The following FOXN3 variants were observed in gnomAD, a reference collection of about 807,000 sequenced individuals.
The protein encoded by FOXN3 is forkhead box protein N3.
In FOXN3, 7 loss-of-function variants were observed where a neutral mutation model predicts 38.4. The ratio of observed to expected loss-of-function variants is 0.18; its 90% CI spans 0.10 to 0.34. The LOEUF (loss-of-function observed/expected upper bound fraction) is 0.34, where lower values mean the gene tolerates loss of function less well. FOXN3 is among the 10% of genes least tolerant of loss of function. The pLI is 1.00. For missense variants in FOXN3, 456 were observed against 613.4 expected (o/e 0.74, Z 2.71); for synonymous variants, 230 against 242.2 (o/e 0.95, Z 0.47).
chr14:89,221,580 A>G lies in FOXN3; in HGVS notation c.746-40774T>C, dbSNP rs146561078. Among the ~76,000 whole-genome samples the G allele has an allele frequency of 1.1e-3, 173 of 152,296 alleles. 1 individual carries two copies. The highest frequency in any genetic ancestry group is 3.4e-3 in the Middle Eastern group (1 of 294). ...ACTGTATTATTCTGATTTTTCTTCA[A>G]CACAGTCATAAAGAACTTGATTTTG... On this transcript the variant is annotated intron_variant, in intron 4 of 5. Coordinates refer to ENST00000557258, the MANE Select transcript of FOXN3 (RefSeq NM_005197.4).
intron 1 of FOXN3, among the ~76,000 whole-genome samples, chr14:89,451,215 T>C (rs542327952): frequency 1.3e-5 from 2 of 152,322 alleles, no homozygotes; most frequent in Admixed American, 6.5e-5. Flanking sequence ...ATTTTGCTAC[T>C]GATGTAAGGA....
At chr14:89,265,612 T>C (rs981329909) in intron 4 of FOXN3, among the ~76,000 whole-genome samples, 2 of 152,076 alleles carry the variant, frequency 1.3e-5, no homozygotes, top group Non-Finnish European at 2.9e-5. Flanking sequence ...GGTTAATGCC[T>C]AAAAGAGGGA....
intron 4 of FOXN3, among the ~76,000 whole-genome samples, chr14:89,237,198 G>A (rs1239011649): frequency 6.6e-6 from 1 of 152,118 alleles, no homozygotes; most frequent in African/African-American, 2.4e-5. Context: ...TTTTGCAGAA[G>A]AAGATTTGCA....
rs947796990 is a variant in FOXN3 at position 89,164,923 on chromosome 14, C to T, written c.852-1954G>A. Among the ~76,000 whole-genome samples the T allele has an allele frequency of 9.9e-5, 15 of 151,952 alleles. No individual in the cohort carries two copies. Among genetic ancestry groups the T allele is most frequent in the East Asian group, 1.9e-4 (1 of 5,178 alleles). The stretch of plus-strand genomic sequence containing the variant: ...GAAAAGGGTGCAGTAGGGAGTGAGG[C>T]GAAGGAGCTGCTCTCCTGGGGCCCC... On this transcript the variant is annotated intron_variant, in intron 5 of 5. Transcript: ENST00000557258. This position sits in a 1 kb window ranked among gnomAD's most constrained non-coding sequence, Gnocchi z 4.3.
chr14:89,417,925 G>GC (rs1179665204), upstream of FOXN3: 2 of 338,600 alleles, frequency 5.9e-6, no homozygotes, highest in Non-Finnish European at 6.0e-6. Flanking sequence ...TGTGCGGAAC[G>GC]CCCCGGCCGG....
At chr14:89,375,123 A>G (rs940187730) in intron 2 of FOXN3, among the ~76,000 whole-genome samples, 2 of 152,186 alleles carry the variant, frequency 1.3e-5, no homozygotes, top group Non-Finnish European at 2.9e-5. Flanking sequence ...TGACTTGACT[A>G]CAAAGGAACT....
Position 89,162,944 on chromosome 14 carries a change from G to C in FOXN3, c.877C>G (p.Arg293Gly). The change falls in exon 6 of 6, where the codon CGG (arginine) becomes GGG (glycine). Residue 293 changes from arginine (R) to glycine (G), a missense_variant. Arg to Gly is a moderately radical substitution (Grantham distance 125). Transcript: ENST00000557258. This position sits in a 1 kb window ranked among gnomAD's most constrained non-coding sequence, Gnocchi z 7.2. ...CCACAAGATGGCTCACTCTCAGTCC[G>C]CATCCGGCAGCTGGTGATGCCATTC... The part of the protein sequence containing the change: ...MRNGITSCRM[R>G]TESEPSCGSP... The C allele has an allele frequency of 6.4e-7, 1 of 1,567,694 alleles. No homozygotes were observed. Among genetic ancestry groups the C allele is most frequent in the African/African-American group, 1.3e-5 (1 of 74,130 alleles).
chr14:89,341,208 C>T (rs1257874435), intron 3 of FOXN3, among the ~76,000 whole-genome samples: 1 of 152,180 alleles, frequency 6.6e-6, no homozygotes, highest in Non-Finnish European at 1.5e-5. Context: ...CATCTGTCCA[C>T]CCACCCAACA....
intron 1 of FOXN3, among the ~76,000 whole-genome samples, chr14:89,605,781 A>G (rs774474850): frequency 1.3e-5 from 2 of 152,192 alleles, no homozygotes; most frequent in Non-Finnish European, 2.9e-5. Context: ...TTTATACTCT[A>G]TTAAACACAA....
At chr14:89,610,844 G>T (rs1896374337) in intron 1 of FOXN3, among the ~76,000 whole-genome samples, 1 of 152,174 alleles carries the variant, frequency 6.6e-6, no homozygotes, top group Admixed American at 6.5e-5. Flanking sequence ...CCCGATTTGT[G>T]CATATGTCTT....
At chr14:89,359,899 C>T (rs906137473) in intron 2 of FOXN3, among the ~76,000 whole-genome samples, 8 of 152,188 alleles carry the variant, frequency 5.3e-5, no homozygotes, top group African/African-American at 1.7e-4. Flanking sequence ...TGTTCTCTCA[C>T]GGATCCTTGA....
chr14:89,573,577 G>A (rs947249208), intron 1 of FOXN3, among the ~76,000 whole-genome samples: 20 of 152,168 alleles, frequency 1.3e-4, no homozygotes, highest in African/African-American at 4.8e-4. Flanking sequence ...TTAAGGAAGA[G>A]AATGGCCTCC....
chr14:89,492,890 G>T (rs901778097), intron 1 of FOXN3, among the ~76,000 whole-genome samples: 1 of 152,132 alleles, frequency 6.6e-6, no homozygotes, highest in African/African-American at 2.4e-5. Context: ...ACATTCCAGG[G>T]TTCAAGTCCC....
intron 1 of FOXN3, among the ~76,000 whole-genome samples, chr14:89,482,269 C>A (rs1893347604): frequency 6.6e-6 from 1 of 152,230 alleles, no homozygotes; most frequent in South Asian, 2.1e-4. Flanking sequence ...GCCAGAGAGA[C>A]AGGGTCATGT....
At chr14:89,332,277 T>C (rs1439396531) in intron 3 of FOXN3, among the ~76,000 whole-genome samples, 1 of 152,196 alleles carries the variant, frequency 6.6e-6, no homozygotes, top group Non-Finnish European at 1.5e-5. Context: ...AAATACCATA[T>C]CCAGCTCTCC....
chr14:89,164,061 T>C lies in FOXN3; in HGVS notation c.852-1092A>G, dbSNP rs1218483945. Reference sequence around the variant, plus strand: ...AGTAACTACACCTGCTCCCCGTGGGTGTGGGGCTGAGGACACGAATTAATG... The same window carrying C: ...AGTAACTACACCTGCTCCCCGTGGGCGTGGGGCTGAGGACACGAATTAATG... On this transcript the variant is annotated intron_variant, in intron 5 of 5. Transcript: ENST00000557258. This position sits in a 1 kb window ranked among gnomAD's most constrained non-coding sequence, Gnocchi z 4.3. Among the ~76,000 whole-genome samples the C allele has an allele frequency of 6.6e-6, 1 of 152,210 alleles. No individual in the cohort carries two copies. Among genetic ancestry groups the C allele is most frequent in the South Asian group, 2.1e-4 (1 of 4,830 alleles).
chr14:89,289,155 C>A (rs1886775905), intron 3 of FOXN3, among the ~76,000 whole-genome samples: 1 of 141,118 alleles, frequency 7.1e-6, no homozygotes, highest in East Asian at 2.1e-4. Context: ...GTACTCCAGC[C>A]TGGGTGACAG....
intron 4 of FOXN3, among the ~76,000 whole-genome samples, chr14:89,277,818 ATTC>A (rs1209563439): frequency 1.3e-5 from 2 of 152,030 alleles, no homozygotes; most frequent in African/African-American, 2.4e-5. Context: ...ACATTGCATT[ATTC>A]TTCCCGTCGC....
chr14:89,273,397 G>A (rs978672807), intron 4 of FOXN3, among the ~76,000 whole-genome samples: 2 of 152,222 alleles, frequency 1.3e-5, no homozygotes, highest in African/African-American at 2.4e-5. Flanking sequence ...CATTTTCTCA[G>A]TGTGCATCAC....
Sources: allele counts gnomAD v4.1 joint callset (sites outside exome capture counted in the v4.1 genomes callset), GRCh38; gene constraint gnomAD v4.1.1; non-coding constraint Gnocchi (gnomAD v3.1); transcripts MANE v1.5; gene names NCBI Gene and HGNC (gene_info 2026-07-23, HGNC 2026-07-21).